Variants in PRKCQ observed in about 807,000 individuals in gnomAD.
The protein encoded by PRKCQ is protein kinase C theta type.
A neutral mutation model predicts 91.2 loss-of-function variants in PRKCQ; 41 were observed. The ratio of observed to expected loss-of-function variants is 0.45; its 90% CI spans 0.35 to 0.58. The LOEUF (loss-of-function observed/expected upper bound fraction) is 0.58, where lower values mean the gene tolerates loss of function less well. PRKCQ is among the 20% of genes least tolerant of loss of function. PRKCQ has a pLI of 0.00. For missense variants in PRKCQ, 673 were observed against 896.5 expected (o/e 0.75, Z 3.18); for synonymous variants, 307 against 316.9 (o/e 0.97, Z 0.33).
intron 8 of PRKCQ, chr10:6,489,372 A>C: frequency 1.9e-6 from 1 of 518,358 alleles, no homozygotes; most frequent in African/African-American, 1.9e-5. Flanking sequence ...TCTCCACGAG[A>C]AGGTCCTAAG....
chr10:6,416,499 T>A, the PRKCQ span, among the ~76,000 whole-genome samples: 7 of 152,224 alleles, frequency 4.6e-5, no homozygotes, highest in African/African-American at 1.4e-4. Context: ...TCACTTATAA[T>A]AATTGTCTCT....
chr10:6,395,801 G>A, the PRKCQ span, among the ~76,000 whole-genome samples: 1 of 152,232 alleles, frequency 6.6e-6, no homozygotes, highest in Admixed American at 6.5e-5. Context: ...TCATTATTTT[G>A]CAATGGCGGT....
At chr10:6,462,600 T>G (rs1835413817) in intron 13 of PRKCQ, among the ~76,000 whole-genome samples, 1 of 152,224 alleles carries the variant, frequency 6.6e-6, no homozygotes, top group Non-Finnish European at 1.5e-5. Flanking sequence ...GCATCTTAAG[T>G]GAGTCCTGCC....
intron 1 of PRKCQ, among the ~76,000 whole-genome samples, chr10:6,573,785 G>C (rs1037947696): frequency 6.6e-6 from 1 of 152,204 alleles, no homozygotes; most frequent in Non-Finnish European, 1.5e-5. Context: ...AAACCCAAAA[G>C]ATGTGTTCTT....
intron 1 of PRKCQ, among the ~76,000 whole-genome samples, chr10:6,566,309 T>G (rs966967207): frequency 1.3e-5 from 2 of 151,690 alleles, no homozygotes; most frequent in African/African-American, 4.8e-5. Flanking sequence ...CTGGCTGTTC[T>G]GCAGTGGTTA....
intron 1 of PRKCQ, among the ~76,000 whole-genome samples, chr10:6,534,378 T>C (rs532063056): frequency 6.6e-6 from 1 of 152,334 alleles, no homozygotes; most frequent in South Asian, 2.1e-4. Flanking sequence ...CTACTGAACA[T>C]GACTCTTAAT....
At chr10:6,537,987 G>A (rs2130911482) in intron 1 of PRKCQ, among the ~76,000 whole-genome samples, 1 of 152,308 alleles carries the variant, frequency 6.6e-6, no homozygotes, top group African/African-American at 2.4e-5. Flanking sequence ...AGAACATCTG[G>A]CCTCCTGCAA....
intron 1 of PRKCQ, among the ~76,000 whole-genome samples, chr10:6,533,653 G>A (rs1588392782): frequency 6.6e-6 from 1 of 152,240 alleles, no homozygotes; most frequent in African/African-American, 2.4e-5. Context: ...ATATTATAAT[G>A]GGAATAATGT....
downstream of PRKCQ, among the ~76,000 whole-genome samples, chr10:6,425,503 T>A (rs1237820213): frequency 6.6e-6 from 1 of 151,980 alleles, no homozygotes; most frequent in Non-Finnish European, 1.5e-5. Context: ...ATTACAGGCG[T>A]GAACCACCGC....
At chr10:6,424,151 C>T (rs912877931), downstream of PRKCQ, among the ~76,000 whole-genome samples, 2 of 152,118 alleles carry the variant, frequency 1.3e-5, no homozygotes, top group South Asian at 2.1e-4. Flanking sequence ...TTATTATTTG[C>T]GCCCACCATC....
rs1004803210 is a variant in PRKCQ at position 6,478,855 on chromosome 10, T to C, written c.1353+137A>G. On this transcript the variant is annotated intron_variant, in intron 12 of 17. Coordinates refer to ENST00000263125, the MANE Select transcript of PRKCQ (RefSeq NM_006257.5). ...TTCCATGGTGTGTAGAAGGGATGTT[T>C]GGATGGATGGCAGGTACACCGAAAT... is the stretch of plus-strand genomic sequence containing the variant. 1.2e-5 allele frequency: 11 copies of C among 946,746 alleles called. No homozygotes were observed. The African/African-American group carries it at 1.6e-4, about 14-fold the overall frequency. The allele number at this position is 946,746 out of a possible 1,614,324, so 58.6% of individuals were successfully genotyped here. A position where few individuals can be genotyped will look rare whatever the true frequency, so the allele number is the denominator to read the frequency against.
At chr10:6,416,372 C>A in the PRKCQ span, among the ~76,000 whole-genome samples, 1 of 152,086 alleles carries the variant, frequency 6.6e-6, no homozygotes, top group African/African-American at 2.4e-5. Context: ...CCCCTCCACC[C>A]TTCCCCTTGA....
At chr10:6,468,409 T>G (rs1361073697) in intron 12 of PRKCQ, among the ~76,000 whole-genome samples, 1 of 152,206 alleles carries the variant, frequency 6.6e-6, no homozygotes, top group African/African-American at 2.4e-5. Flanking sequence ...AATCAAATAT[T>G]GAGTAAACAA....
intron 14 of PRKCQ, among the ~76,000 whole-genome samples, chr10:6,457,958 T>TC (rs397765910): frequency 1.3e-5 from 2 of 151,892 alleles, no homozygotes; most frequent in South Asian, 2.1e-4. Context: ...TTTTTTTTTT[T>TC]CCCCTGAGAC....
At chr10:6,563,019 C>A (rs890527483) in intron 1 of PRKCQ, among the ~76,000 whole-genome samples, 5 of 152,030 alleles carry the variant, frequency 3.3e-5, no homozygotes, top group Non-Finnish European at 5.9e-5. Flanking sequence ...GCTATGGATT[C>A]TTTCAAGGTG....
chr10:6,472,573 C>A (rs936883252), intron 12 of PRKCQ, among the ~76,000 whole-genome samples: 1 of 152,164 alleles, frequency 6.6e-6, no homozygotes, highest in Non-Finnish European at 1.5e-5. Flanking sequence ...GAGAGAGATG[C>A]GACTGTGATC....
Position 6,574,489 on chromosome 10 carries a change from C to A in PRKCQ, c.-10+5722G>T, listed in dbSNP as rs184179138. On this transcript the variant is annotated intron_variant, in intron 1 of 17. Transcript: ENST00000263125. ...TGCTCTTTCACTCTATAAACAGTCC[C>A]CATCTGGAGGATAACGTATATGGTT... Among the ~76,000 whole-genome samples, 244 of 152,336 alleles carry A rather than the reference C, an allele frequency of 1.6e-3. 1 individual carries two copies. Among genetic ancestry groups the A allele is most frequent in the African/African-American group, 5.8e-3 (241 of 41,566 alleles).
chr10:6,573,590 CAT>C (rs1026979410), intron 1 of PRKCQ, among the ~76,000 whole-genome samples: 14 of 152,006 alleles, frequency 9.2e-5, no homozygotes, highest in African/African-American at 3.1e-4. Flanking sequence ...AATATATTGC[CAT>C]AGTTTGTTTA....
chr10:6,410,464 C>T, the PRKCQ span, among the ~76,000 whole-genome samples: 17 of 152,284 alleles, frequency 1.1e-4, no homozygotes, highest in African/African-American at 4.1e-4. Flanking sequence ...AAATGTAGGG[C>T]AGAGGGTGGG....
Sources: allele counts gnomAD v4.1 joint callset (sites outside exome capture counted in the v4.1 genomes callset), GRCh38; gene constraint gnomAD v4.1.1; transcripts MANE v1.5; gene names NCBI Gene and HGNC (gene_info 2026-07-23, HGNC 2026-07-21).